The following MCTP2 variants were observed in gnomAD, a reference collection of about 807,000 sequenced individuals.
The protein encoded by MCTP2 is multiple C2 and transmembrane domain-containing protein 2.
In MCTP2, 132 loss-of-function variants were observed where a neutral mutation model predicts 111.6. That is an observed-to-expected ratio of 1.18 (90% CI 1.03 to 1.37). MCTP2 has a LOEUF of 1.37. MCTP2 is among the 40% of genes most tolerant of loss of function. The pLI is 0.00. For synonymous variants in MCTP2, 395 were observed against 387.7 expected (o/e 1.02, Z -0.22); for missense variants, 1,183 against 1,067.9 (o/e 1.11, Z -1.50).
chr15:94,340,688 T>G, intron 6 of MCTP2, 125 bp from the exon 7 acceptor site: 1 of 584,976 alleles, frequency 1.7e-6, no homozygotes, highest in Non-Finnish European at 3.0e-6. Flanking sequence ...AATTTTGTGC[T>G]TTCTTAACAT....
intron 14 of MCTP2, among the ~76,000 whole-genome samples, chr15:94,392,293 A>C (rs562012901): frequency 6.6e-6 from 1 of 151,612 alleles, no homozygotes; most frequent in Admixed American, 6.6e-5. Flanking sequence ...AATGGCGTGA[A>C]CCCGGGTGGC....
intron 21 of MCTP2, among the ~76,000 whole-genome samples, 154 bp downstream of exon 21, chr15:94,470,596 T>G (rs1201108346): frequency 6.6e-6 from 1 of 152,228 alleles, no homozygotes; most frequent in East Asian, 1.9e-4. Flanking sequence ...TTCCAGGACC[T>G]CCCTGAAAGG....
chr15:94,243,778 C>CAT (rs776856812), intron 1 of MCTP2, among the ~76,000 whole-genome samples: 1 of 143,028 alleles, frequency 7.0e-6, no homozygotes, highest in African/African-American at 2.6e-5. Context: ...TATTTATGAA[C>CAT]ATATATATGT....
intron 1 of MCTP2, among the ~76,000 whole-genome samples, chr15:94,255,101 C>G (rs1455762): frequency 6.6e-6 from 1 of 151,902 alleles, no homozygotes; most frequent in Non-Finnish European, 1.5e-5. Context: ...TAAAGACAAA[C>G]TTTAGGAGAT....
chr15:94,273,440 A>G (rs1392026026), intron 1 of MCTP2: 3 of 152,616 alleles, frequency 2.0e-5, no homozygotes, highest in East Asian at 1.9e-4. Context: ...TCTAAAATCC[A>G]ATATGTCATA....
rs769391620 is a variant in MCTP2, at chr15:94,315,545, G to C, written c.545G>C (p.Ser182Thr). 6.2e-7 allele frequency: 1 copy of C among 1,613,796 alleles called. No individual in the cohort carries two copies. The highest frequency in any genetic ancestry group is 1.7e-5 in the Admixed American group (1 of 60,018). The change falls in exon 4 of 23, where the codon AGT becomes ACT. Residue 182 changes from serine (S) to threonine (T), a missense_variant. Transcript: ENST00000357742. ...FEEQSVPGEA[S>T]DGLSNLPSPF... ...TCTGTGCAGGTACCGGGGGAAGCCA[G>C]TGATGGCTTGAGTAACCTCCCCAGC...
intron 5 of MCTP2, 108 bp downstream of exon 5, chr15:94,339,540 C>T: frequency 1.3e-6 from 1 of 793,394 alleles, no homozygotes; most frequent in Non-Finnish European, 1.8e-6. Flanking sequence ...TTTATTAGGA[C>T]AGATTAAAAA....
intron 1 of MCTP2, among the ~76,000 whole-genome samples, chr15:94,291,305 A>G (rs2075018897): frequency 6.6e-6 from 1 of 152,230 alleles, no homozygotes; most frequent in African/African-American, 2.4e-5. Flanking sequence ...AGAAAAATAA[A>G]AAATAATGAA....
At chr15:94,263,289 G>T (rs1042701569) in intron 1 of MCTP2, among the ~76,000 whole-genome samples, 1 of 152,150 alleles carries the variant, frequency 6.6e-6, no homozygotes, top group African/African-American at 2.4e-5. Flanking sequence ...CATTGTTCAC[G>T]ATAGTTATGT....
intron 4 of MCTP2, among the ~76,000 whole-genome samples, chr15:94,321,508 A>G (rs1001567553): frequency 6.6e-6 from 1 of 152,228 alleles, no homozygotes; most frequent in Non-Finnish European, 1.5e-5. Context: ...GTAATTAATG[A>G]ATAATCATAA....
intron 15 of MCTP2, 56 bp downstream of exon 15, chr15:94,399,118 C>T: frequency 2.2e-6 from 2 of 913,752 alleles, no homozygotes; most frequent in Non-Finnish European, 1.8e-6. Context: ...TAGAAGGTGA[C>T]CAGCCTTTGG....
At chr15:94,259,734 C>T (rs1450265559) in intron 1 of MCTP2, among the ~76,000 whole-genome samples, 2 of 152,100 alleles carry the variant, frequency 1.3e-5, no homozygotes, top group Non-Finnish European at 2.9e-5. Flanking sequence ...AGCTTGTTGC[C>T]CTTTTGTTCA....
At chr15:94,420,487 A>G (rs1162814510) in intron 17 of MCTP2, among the ~76,000 whole-genome samples, 1 of 152,200 alleles carries the variant, frequency 6.6e-6, no homozygotes, top group Non-Finnish European at 1.5e-5. Flanking sequence ...GATGCCATTA[A>G]GAACATTTGT....
At chr15:94,474,243 C>CT (rs1488688297) in intron 21 of MCTP2, among the ~76,000 whole-genome samples, 2 of 152,130 alleles carry the variant, frequency 1.3e-5, no homozygotes, top group African/African-American at 4.8e-5. Flanking sequence ...TCATAGTTGG[C>CT]TTTAATAGTA....
chr15:94,343,497 A>T (rs2077779025), intron 7 of MCTP2: 1 of 152,180 alleles, frequency 6.6e-6, no homozygotes. Context: ...CAAAAATCTC[A>T]GTATGTACAA....
At chr15:94,263,499 C>T (rs1355806297) in intron 1 of MCTP2, among the ~76,000 whole-genome samples, 1 of 152,170 alleles carries the variant, frequency 6.6e-6, no homozygotes, top group Non-Finnish European at 1.5e-5. Flanking sequence ...GAACTCATAG[C>T]CAACAGCATT....
intron 8 of MCTP2, 198 bp from the exon 9 acceptor site, chr15:94,355,939 T>A (rs563084289): frequency 8.2e-7 from 1 of 1,220,202 alleles, no homozygotes; most frequent in South Asian, 2.4e-5. Context: ...CACTATATTA[T>A]TACCACTCCA....
At chr15:94,357,943 T>C (rs2078721371) in intron 9 of MCTP2, among the ~76,000 whole-genome samples, 1 of 152,238 alleles carries the variant, frequency 6.6e-6, no homozygotes, top group Non-Finnish European at 1.5e-5. Context: ...AATTTCCTAG[T>C]CTTTCTCCAA....
intron 21 of MCTP2, among the ~76,000 whole-genome samples, chr15:94,472,733 G>C (rs1043574883): frequency 6.6e-6 from 1 of 152,156 alleles, no homozygotes; most frequent in Non-Finnish European, 1.5e-5. Flanking sequence ...TACAAGCCTT[G>C]ACAATCACCA....
Sources: allele counts gnomAD v4.1 joint callset (sites outside exome capture counted in the v4.1 genomes callset), GRCh38; gene constraint gnomAD v4.1.1; transcripts MANE v1.5; gene names NCBI Gene and HGNC (gene_info 2026-07-23, HGNC 2026-07-21).